Variants in LRRTM4 observed in about 807,000 individuals in gnomAD.
LRRTM4 encodes leucine-rich repeat transmembrane neuronal protein 4.
LRRTM4 carries 25 observed loss-of-function variants against 47.6 expected under a neutral mutation model. The observed-to-expected ratio is 0.53, with a 90% CI of 0.38 to 0.73. The LOEUF (loss-of-function observed/expected upper bound fraction) is 0.73. Among genes scored for constraint, LRRTM4 ranks in the 30% least tolerant of loss-of-function variants. LRRTM4 has a pLI of 0.00. For missense variants in LRRTM4, 638 were observed against 713.4 expected, an observed-to-expected ratio of 0.89 and a Z score of 1.20; for synonymous variants, 311 against 269.5, an observed-to-expected ratio of 1.15 and a Z score of -1.51.
intron 3 of LRRTM4, among the ~76,000 whole-genome samples, chr2:77,132,941 G>A (rs1350343711): frequency 1.3e-5 from 2 of 152,052 alleles, no homozygotes; most frequent in African/African-American, 2.4e-5. Context: ...ATAAAATGCA[G>A]GTTGGTATAG....
chr2:76,812,252 C>T (rs1670756561), intron 3 of LRRTM4, among the ~76,000 whole-genome samples: 1 of 152,148 alleles, frequency 6.6e-6, no homozygotes, highest in African/African-American at 2.4e-5. Flanking sequence ...CCATTCTAGT[C>T]ACTTAAACAC....
At chr2:77,007,730 G>A (rs986323597) in intron 3 of LRRTM4, among the ~76,000 whole-genome samples, 16 of 152,094 alleles carry the variant, frequency 1.1e-4, no homozygotes, top group African/African-American at 2.9e-4. Flanking sequence ...GCAATGGTTC[G>A]GTGGAAAAGA....
At chr2:77,183,204 C>T (rs989259831) in intron 3 of LRRTM4, among the ~76,000 whole-genome samples, 2 of 152,086 alleles carry the variant, frequency 1.3e-5, no homozygotes, top group African/African-American at 4.8e-5. Context: ...GGGCTAATAT[C>T]CAGAATCTAC....
At chr2:77,403,561 G>C (rs913700711) in intron 3 of LRRTM4, among the ~76,000 whole-genome samples, 1 of 151,580 alleles carries the variant, frequency 6.6e-6, no homozygotes, top group African/African-American at 2.4e-5. Context: ...CAAATATATT[G>C]ATTTTTTATT....
intron 3 of LRRTM4, among the ~76,000 whole-genome samples, chr2:77,095,611 T>C (rs1670789880): frequency 6.6e-6 from 1 of 151,612 alleles, no homozygotes; most frequent in South Asian, 2.1e-4. Context: ...GTTCAAATGA[T>C]TCTCGTGCCT....
At chr2:77,409,678 C>G (rs973174444) in intron 3 of LRRTM4, among the ~76,000 whole-genome samples, 1 of 152,114 alleles carries the variant, frequency 6.6e-6, no homozygotes, top group Admixed American at 6.6e-5. Context: ...AACCTTTACT[C>G]TTCTAGAAAA....
intron 3 of LRRTM4, among the ~76,000 whole-genome samples, chr2:77,490,956 A>T (rs909167300): frequency 6.6e-6 from 1 of 151,262 alleles, no homozygotes; most frequent in Non-Finnish European, 1.5e-5. Flanking sequence ...AAAATGATTC[A>T]TTTTTTTTTC....
intron 3 of LRRTM4, among the ~76,000 whole-genome samples, chr2:77,166,435 C>A (rs1320951853): frequency 1.3e-5 from 2 of 152,104 alleles, no homozygotes. Flanking sequence ...TGACTTTCTT[C>A]ACAGAGTTGG....
chr2:77,514,646 T>C (rs1162138520), intron 3 of LRRTM4, among the ~76,000 whole-genome samples: 1 of 152,054 alleles, frequency 6.6e-6, no homozygotes, highest in African/African-American at 2.4e-5. Context: ...TTTCAATTAC[T>C]TAACTATTGA....
chr2:76,818,967 A>G (rs1670978352), intron 3 of LRRTM4, among the ~76,000 whole-genome samples: 1 of 151,794 alleles, frequency 6.6e-6, no homozygotes. Flanking sequence ...TAGTTTTACT[A>G]GTTTATATGT....
chr2:76,996,366 G>A (rs574672911), intron 3 of LRRTM4, among the ~76,000 whole-genome samples: 1 of 152,012 alleles, frequency 6.6e-6, no homozygotes, highest in African/African-American at 2.4e-5. Flanking sequence ...AATGAAAATT[G>A]TGTCAATCTG....
chr2:77,203,402 G>A (rs530536136), intron 3 of LRRTM4, among the ~76,000 whole-genome samples: 18 of 152,146 alleles, frequency 1.2e-4, no homozygotes, highest in East Asian at 1.2e-3. Flanking sequence ...GGTCACTTTC[G>A]GAAGAGCAGC....
chr2:76,775,130 T>C (rs1018133213), intron 3 of LRRTM4, among the ~76,000 whole-genome samples: 1 of 152,212 alleles, frequency 6.6e-6, no homozygotes, highest in Non-Finnish European at 1.5e-5. Flanking sequence ...CTATCATAAA[T>C]CTTATGAATT....
In LRRTM4 at chr2:76,777,171, A is replaced by G. The variant is rs1414410525; in HGVS notation, c.1552-28255T>C. ...GTTTTGGTTACTGTAGCCTTGCAGT[A>G]TAGTTTGAAGTCAGGGAGTGTGATG... On this transcript the variant is annotated intron_variant, in intron 3 of 3. Transcript: ENST00000409884. Among the ~76,000 whole-genome samples the G allele has an allele frequency of 1.3e-5, 2 of 150,658 alleles. 1 individual carries two copies. The highest frequency in any genetic ancestry group is 4.9e-5 in the African/African-American group (2 of 40,970).
At chr2:76,805,790 C>T (rs1675935295) in intron 3 of LRRTM4, among the ~76,000 whole-genome samples, 2 of 151,878 alleles carry the variant, frequency 1.3e-5, no homozygotes, top group Admixed American at 1.3e-4. Flanking sequence ...TCTTACTTCC[C>T]CTTACTGCAG....
chr2:77,346,092 A>G (rs992896002), intron 3 of LRRTM4, among the ~76,000 whole-genome samples: 3 of 152,068 alleles, frequency 2.0e-5, no homozygotes, highest in East Asian at 3.9e-4. Context: ...TATGGTGAGT[A>G]AAATAAGCCA....
chr2:77,148,158 T>C (rs1672308574), intron 3 of LRRTM4, among the ~76,000 whole-genome samples: 1 of 152,204 alleles, frequency 6.6e-6, no homozygotes, highest in African/African-American at 2.4e-5. Flanking sequence ...TACTTTATAG[T>C]GTCTACCTTC....
intron 3 of LRRTM4, among the ~76,000 whole-genome samples, chr2:77,109,933 C>G (rs1671203926): frequency 6.6e-6 from 1 of 151,502 alleles, no homozygotes; most frequent in African/African-American, 2.4e-5. Flanking sequence ...GAATAAATTA[C>G]CCACAGTGCA....
chr2:77,437,169 A>G (rs961317658), intron 3 of LRRTM4, among the ~76,000 whole-genome samples: 1 of 152,022 alleles, frequency 6.6e-6, no homozygotes, highest in African/African-American at 2.4e-5. Flanking sequence ...AAATTTGACG[A>G]TTTTTATGAA....
Sources: gnomAD v4.1 joint callset for allele counts (sites outside exome capture counted in the v4.1 genomes callset) on GRCh38, gnomAD v4.1.1 for gene constraint, MANE v1.5 for transcripts, NCBI Gene and HGNC (gene_info 2026-07-23, HGNC 2026-07-21) for gene names.